PPFIBP2: variants seen among roughly 807,000 people sequenced by gnomAD.
The protein encoded by PPFIBP2 is PPFIB scaffold protein 2.
A neutral mutation model predicts 118.3 loss-of-function variants in PPFIBP2; 118 were observed. That is an observed-to-expected ratio of 1.00 (90% CI 0.86 to 1.16). The LOEUF (loss-of-function observed/expected upper bound fraction) is 1.16, where lower values mean the gene tolerates loss of function less well. Among genes scored for constraint, PPFIBP2 ranks in the 50% most tolerant of loss-of-function variants. The probability of loss-of-function intolerance (pLI) is 0.00; values close to 1 mark genes in which losing one functional copy is unlikely to be tolerated. For synonymous variants in PPFIBP2, 414 were observed against 397.4 expected, an observed-to-expected ratio of 1.04 and a Z score of -0.50; for missense variants, 1,195 against 1,073.1, an observed-to-expected ratio of 1.11 and a Z score of -1.59.
At chr11:7,651,995 G>C in intron 23 of PPFIBP2, 151 bp downstream of exon 23, 1 of 754,790 alleles carries the variant, frequency 1.3e-6, no homozygotes, top group Non-Finnish European at 2.0e-6. Flanking sequence ...TGGTCTGTGA[G>C]GCCAGTCTTT....
At chr11:7,641,448 A>C (rs1445685950) in intron 15 of PPFIBP2, 31 bp from the exon 16 acceptor site, 1 of 1,612,272 alleles carries the variant, frequency 6.2e-7, no homozygotes, top group African/African-American at 1.3e-5. Context: ...ACATCCTTAC[A>C]TTCACATTCA....
chr11:7,593,166 A>C lies in PPFIBP2; in HGVS notation c.314A>C (p.Glu105Ala), dbSNP rs1859651546. ...QVNHHSAASN[E>A]TYQERLARLE... The stretch of plus-strand genomic sequence containing the variant: ...AACCACCACAGTGCTGCTAGTAATG[A>C]AACCTACCAGGAACGCTTGGCACGT... The change falls in exon 4 of 24, where the codon GAA becomes GCA. Residue 105 changes from glutamate to alanine, a missense_variant. By Grantham distance (107) the Glu-to-Ala change is moderately radical. Coordinates refer to ENST00000299492, the MANE Select transcript of PPFIBP2 (RefSeq NM_003621.5). The C allele has an allele frequency of 6.2e-7, 1 of 1,614,070 alleles. No individual in the cohort carries two copies.
At chr11:7,575,827 G>C (rs1223815731) in intron 3 of PPFIBP2, among the ~76,000 whole-genome samples, 2 of 152,226 alleles carry the variant, frequency 1.3e-5, no homozygotes, top group East Asian at 3.9e-4. Flanking sequence ...ACCTGGGCTG[G>C]GTGGGTCACA....
At position 7,593,218 on chromosome 11, in the gene PPFIBP2, AT is replaced by A; in HGVS notation, c.368del (p.Leu123CysfsTer3). On this transcript the variant is annotated frameshift_variant, in exon 4 of 24. Coordinates refer to ENST00000299492, the MANE Select transcript of PPFIBP2 (RefSeq NM_003621.5). LOFTEE classifies it high-confidence loss of function. Reference sequence around the variant, plus strand: ...TAGAAGGGGATAAGGAGTCCCTCATATTGCAGGTGGGTACTTTTTGGTGAGA... The same window carrying A: ...TAGAAGGGGATAAGGAGTCCCTCATATGCAGGTGGGTACTTTTTGGTGAGA... The part of the protein sequence containing the change: ...RLEGDKESLI[L>X]QVSVLTDQVE... 2.5e-6 allele frequency: 4 copies of A among 1,613,704 alleles called. No individual in the cohort carries two copies. Among genetic ancestry groups the A allele is most frequent in the Non-Finnish European group, 3.4e-6 (4 of 1,179,810 alleles).
chr11:7,619,241 G>T (rs959361609), intron 6 of PPFIBP2, among the ~76,000 whole-genome samples: 2 of 152,208 alleles, frequency 1.3e-5, no homozygotes, highest in African/African-American at 4.8e-5. Context: ...TACAACAAGA[G>T]AATATAGCAG....
In PPFIBP2 at chr11:7,628,042, A is replaced by C. The variant is rs115005871; in HGVS notation, c.827-243A>C. On this transcript the variant is annotated intron_variant, in intron 8 of 23. Coordinates refer to ENST00000299492, the MANE Select transcript of PPFIBP2 (RefSeq NM_003621.5). ...CCTCTGTCCTCTCGAGTACATGGGC[A>C]TTTTGATTTTGCCCATAAATGTCTA... Among the ~76,000 whole-genome samples the C allele has an allele frequency of 8.0e-3, 1,212 of 152,300 alleles. 13 individuals are homozygous for C. The highest frequency in any genetic ancestry group is 0.027 in the African/African-American group (1,111 of 41,566).
At chr11:7,550,069 A>G (rs753095106) in intron 2 of PPFIBP2, among the ~76,000 whole-genome samples, 4 of 152,224 alleles carry the variant, frequency 2.6e-5, no homozygotes, top group Admixed American at 1.3e-4. Flanking sequence ...ATTAGCCAGT[A>G]GGGGACTTTT....
chr11:7,568,437 G>C (rs1855257291), intron 3 of PPFIBP2, among the ~76,000 whole-genome samples: 1 of 152,208 alleles, frequency 6.6e-6, no homozygotes, highest in African/African-American at 2.4e-5. Context: ...TGCAGAGGTA[G>C]AGAATCATTT....
rs556098892 is a variant in PPFIBP2, at chr11:7,640,236, G to C, written c.1375+366G>C. 2.0e-5 allele frequency among the ~76,000 whole-genome samples: 3 copies of C among 152,058 alleles called. No homozygotes were observed. The East Asian group carries it at 5.8e-4, about 29-fold the overall frequency. The stretch of plus-strand genomic sequence containing the variant: ...ACCCCCTTCTACCCTTCCTGCCCCT[G>C]GTGCTTCCTTCCTCTGTCATTCTGA... On this transcript the variant is annotated intron_variant, in intron 15 of 23. Coordinates refer to ENST00000299492, the MANE Select transcript of PPFIBP2 (RefSeq NM_003621.5).
intron 5 of PPFIBP2, 85 bp downstream of exon 5, chr11:7,597,758 G>A (rs941519279): frequency 1.5e-5 from 17 of 1,121,646 alleles, no homozygotes; most frequent in Middle Eastern, 2.6e-4. Context: ...TACAGCCCTC[G>A]CTGTCTGCTT....
intron 5 of PPFIBP2, among the ~76,000 whole-genome samples, chr11:7,609,391 C>A (rs1847793453): frequency 6.6e-6 from 1 of 152,176 alleles, no homozygotes; most frequent in Non-Finnish European, 1.5e-5. Context: ...CTACCATGTG[C>A]CGGGATTTTG....
intron 1 of PPFIBP2, chr11:7,548,323 T>G (rs1357221492): frequency 3.3e-5 from 5 of 152,240 alleles, no homozygotes; most frequent in Non-Finnish European, 7.3e-5. Flanking sequence ...CTGTCTTCAC[T>G]CTAAATGTCC....
Position 7,648,465 on chromosome 11 carries a change from T to C in PPFIBP2, c.1725T>C (p.Tyr575=). ...AWLEDFGLAQ[Y]VIFARQWVSS... is the part of the protein sequence containing the mutation. The stretch of plus-strand genomic sequence containing the variant: ...TGGAGGACTTTGGCCTGGCTCAGTA[T>C]GTGATCTTTGCCAGGCAGTGGGTAT... The change falls in exon 18 of 24, where the codon TAT becomes TAC. Residue 575 remains tyrosine, a synonymous_variant. Coordinates refer to ENST00000299492, the MANE Select transcript of PPFIBP2 (RefSeq NM_003621.5). The C allele has an allele frequency of 1.2e-6, 2 of 1,614,124 alleles. No individual in the cohort carries two copies. The highest frequency in any genetic ancestry group is 2.2e-5 in the East Asian group (1 of 44,864).
At chr11:7,610,216 T>A (rs768995981) in intron 5 of PPFIBP2, 75 bp from the exon 6 acceptor site, 261 of 1,517,722 alleles carry the variant, frequency 1.7e-4, no homozygotes, top group Non-Finnish European at 2.2e-4. Flanking sequence ...TGTTGCCTTA[T>A]GTGCTGTAAA....
intron 2 of PPFIBP2, among the ~76,000 whole-genome samples, 171 bp from the exon 3 acceptor site, chr11:7,565,382 C>T (rs993559060): frequency 1.3e-5 from 2 of 152,194 alleles, no homozygotes; most frequent in African/African-American, 2.4e-5. Flanking sequence ...GTGATCCTCC[C>T]GCTTCAGCCT....
intron 6 of PPFIBP2, among the ~76,000 whole-genome samples, chr11:7,615,122 G>A (rs1166814640): frequency 6.6e-6 from 1 of 152,066 alleles, no homozygotes; most frequent in African/African-American, 2.4e-5. Flanking sequence ...GATCACTTGA[G>A]GTCAGGAGTT....
intron 1 of PPFIBP2, among the ~76,000 whole-genome samples, chr11:7,519,900 G>A (rs1042925251): frequency 7.2e-5 from 11 of 152,112 alleles, no homozygotes; most frequent in Non-Finnish European, 2.9e-5. Flanking sequence ...CCAGGTTCCC[G>A]GGGAAGCTTA....
At chr11:7,645,365 C>T (rs1852902917) in intron 17 of PPFIBP2, among the ~76,000 whole-genome samples, 1 of 152,206 alleles carries the variant, frequency 6.6e-6, no homozygotes, top group Admixed American at 6.5e-5. Flanking sequence ...GCTCTGTACT[C>T]ACTAATGAAC....
chr11:7,597,046 C>T (rs988808477), intron 4 of PPFIBP2: 1 of 772,442 alleles, frequency 1.3e-6, no homozygotes, highest in African/African-American at 1.8e-5. Flanking sequence ...TTTGTCAGTG[C>T]TAATACATGC....
Sources: gnomAD v4.1 joint callset for allele counts (sites outside exome capture counted in the v4.1 genomes callset) on GRCh38, gnomAD v4.1.1 for gene constraint, MANE v1.5 for transcripts, NCBI Gene and HGNC (gene_info 2026-07-23, HGNC 2026-07-21) for gene names.